Variants in ZC2HC1C observed in about 807,000 individuals in gnomAD.
The protein encoded by ZC2HC1C is zinc finger C2HC-type containing 1C.
In ZC2HC1C, 25 loss-of-function variants were observed where a neutral mutation model predicts 39.2. The ratio of observed to expected loss-of-function variants is 0.64; its 90% CI spans 0.47 to 0.89. ZC2HC1C has a LOEUF of 0.89. ZC2HC1C is among the 40% of genes least tolerant of loss of function. ZC2HC1C has a pLI of 0.00. For synonymous variants in ZC2HC1C, 209 were observed against 214.4 expected (o/e 0.97, Z 0.22); for missense variants, 519 against 548.6 (o/e 0.95, Z 0.54).
At position 75,079,530 on chromosome 14, in the gene ZC2HC1C, T is replaced by C. The variant is rs544375528; in HGVS notation, c.*1966T>C. 14 of 152,354 alleles carry C rather than the reference T, an allele frequency of 9.2e-5. No individual in the cohort carries two copies. The South Asian group carries it at 1.0e-3, about 11-fold the overall frequency. 9.4% of individuals were successfully genotyped at this position (152,354 alleles called of 1,614,324 possible). A position where few individuals can be genotyped will look rare whatever the true frequency, so the allele number is the denominator to read the frequency against. On this transcript the variant is annotated 3_prime_UTR_variant, in exon 3 of 3. Transcript: ENST00000524913. ...TAAGTGGGAATGTAAACCAGTACATTGCAATAGATGGCAAGAGTAAGCTGT... is the reference window on the plus strand; with the variant it reads ...TAAGTGGGAATGTAAACCAGTACATCGCAATAGATGGCAAGAGTAAGCTGT...
chr14:75,073,559 C>T lies in ZC2HC1C; in HGVS notation c.1338+1648C>T, dbSNP rs776356452. On this transcript the variant is annotated intron_variant, in intron 2 of 2. Coordinates refer to ENST00000524913, the MANE Select transcript of ZC2HC1C (RefSeq NM_024643.4). ...GCACCACCCTGGTAATGTCTCAAAT[C>T]TTATTCCACAGTGCTGTGCCTTTGG... The T allele has an allele frequency of 6.2e-6, 8 of 1,289,192 alleles. No individual in the cohort carries two copies. The South Asian group carries it at 9.9e-5, about 16-fold the overall frequency. The allele number at this position is 1,289,192 out of a possible 1,614,324, so 79.9% of individuals were successfully genotyped here. A position where few individuals can be genotyped will look rare whatever the true frequency, so the allele number is the denominator to read the frequency against.
At chr14:75,075,914 G>A (rs557539696) in intron 2 of ZC2HC1C, among the ~76,000 whole-genome samples, 4 of 151,974 alleles carry the variant, frequency 2.6e-5, no homozygotes, top group Admixed American at 6.6e-5. Flanking sequence ...AAAATTAGCC[G>A]GGCGTGGTGG....
chr14:75,070,666 G>A lies in ZC2HC1C; in HGVS notation c.93G>A (p.Lys31=), dbSNP rs1205784822. The A allele has an allele frequency of 1.2e-6, 2 of 1,614,214 alleles. No individual in the cohort carries two copies. The highest frequency in any genetic ancestry group is 1.7e-6 in the Non-Finnish European group (2 of 1,180,050). Residue 31 remains lysine, a synonymous_variant, in exon 2 of 3, where the codon AAG becomes AAA. Coordinates refer to ENST00000524913, the MANE Select transcript of ZC2HC1C (RefSeq NM_024643.4). ...TTEAPGPHSA[K]QDSYEQGDSS... is the part of the protein sequence containing the mutation. ...AAGCTCCAGGGCCCCACTCAGCCAA[G>A]CAAGACTCTTACGAACAAGGTGACT...
rs778536554 is a variant in ZC2HC1C at position 75,071,284 on chromosome 14, G to C, written c.711G>C (p.Lys237Asn). ...IRRKQILLRG[K>N]LKKTEEELRR... ...GAAAGCAGATTCTCCTGAGGGGAAA[G>C]CTGAAGAAGACAGAGGAGGAACTCA... The change falls in exon 2 of 3, where the codon AAG (lysine) becomes AAC (asparagine). Residue 237 changes from lysine (K) to asparagine (N), a missense_variant. Lys to Asn is a moderately conservative substitution (Grantham distance 94). Transcript: ENST00000524913. 1.5e-5 allele frequency: 25 copies of C among 1,614,188 alleles called. No homozygotes were observed. In the South Asian group the frequency reaches 2.2e-4, roughly 14 times the overall value.
rs1165751087 is a variant in ZC2HC1C, at chr14:75,071,810, A to C, written c.1237A>C (p.Met413Leu). The change falls in exon 2 of 3, where the codon ATG becomes CTG. Residue 413 changes from methionine (M) to leucine (L), a missense_variant. Coordinates refer to ENST00000524913, the MANE Select transcript of ZC2HC1C (RefSeq NM_024643.4). ...LERHSNICSRMRGSKRKVFDS... is the reference protein window; with the variant it reads ...LERHSNICSRLRGSKRKVFDS... ...GAGACACTCCAACATCTGCAGCAGG[A>C]TGCGGGGTTCCAAGAGGAAAGTGTT... 1 of 1,614,034 alleles carries C rather than the reference A, an allele frequency of 6.2e-7. No individual in the cohort carries two copies. The highest frequency in any genetic ancestry group is 8.5e-7 in the Non-Finnish European group (1 of 1,180,012).
At chr14:75,070,187 G>A (rs1377164790) in intron 1 of ZC2HC1C, among the ~76,000 whole-genome samples, 1 of 152,160 alleles carries the variant, frequency 6.6e-6, no homozygotes, top group African/African-American at 2.4e-5. Context: ...GAAGAAACGG[G>A]GGCCAGCAAG....
At chr14:75,075,920 G>A (rs756330974) in intron 2 of ZC2HC1C, among the ~76,000 whole-genome samples, 2 of 152,018 alleles carry the variant, frequency 1.3e-5, no homozygotes, top group African/African-American at 4.8e-5. Context: ...AGCCGGGCGT[G>A]GTGGCGCACG....
At chr14:75,072,257 A>G (rs747319984) in intron 2 of ZC2HC1C, among the ~76,000 whole-genome samples, 3 of 152,254 alleles carry the variant, frequency 2.0e-5, no homozygotes, top group Non-Finnish European at 2.9e-5. Flanking sequence ...TATAAAAGTA[A>G]TAAAAGTTTA....
intron 2 of ZC2HC1C, among the ~76,000 whole-genome samples, chr14:75,072,510 G>C (rs1251592065): frequency 6.6e-6 from 1 of 152,190 alleles, no homozygotes; most frequent in African/African-American, 2.4e-5. Context: ...TAAACACCTT[G>C]AAGGTAAAAA....
chr14:75,072,939 C>T (rs945443202), intron 2 of ZC2HC1C, among the ~76,000 whole-genome samples: 10 of 152,112 alleles, frequency 6.6e-5, no homozygotes, highest in Admixed American at 2.0e-4. Context: ...TTTGGGAAAG[C>T]GTAGATCATA....
Position 75,070,559 on chromosome 14 carries a change from C to T in ZC2HC1C, c.-15C>T. The T allele has an allele frequency of 3.2e-6, 5 of 1,586,972 alleles. No homozygotes were observed. The highest frequency in any genetic ancestry group is 4.3e-6 in the Non-Finnish European group (5 of 1,168,410). ...TCTGGTTTAAATCTCCCGTAGGCGT[C>T]AGTCCAGGCCCTGAATGGCTGGTCT... On this transcript the variant is annotated 5_prime_UTR_variant, in exon 2 of 3. Transcript: ENST00000524913.
intron 1 of ZC2HC1C, among the ~76,000 whole-genome samples, chr14:75,070,230 A>G (rs1446276923): frequency 6.6e-6 from 1 of 152,092 alleles, no homozygotes; most frequent in African/African-American, 2.4e-5. Context: ...CAGGCCTAGA[A>G]CCTGACTTTC....
intron 2 of ZC2HC1C, among the ~76,000 whole-genome samples, chr14:75,072,642 A>C (rs1434915227): frequency 6.6e-6 from 1 of 152,350 alleles, no homozygotes; most frequent in Admixed American, 6.5e-5. Context: ...GGTGAACTTC[A>C]TAGGCACATT....
intron 2 of ZC2HC1C, among the ~76,000 whole-genome samples, chr14:75,076,719 TAA>T (rs1418535307): frequency 2.0e-5 from 3 of 151,938 alleles, no homozygotes; most frequent in East Asian, 1.9e-4. Context: ...GGTCTCATGT[TAA>T]AAAAAAGTTT....
In ZC2HC1C at chr14:75,071,446, G is replaced by A. The variant is rs1893403959; in HGVS notation, c.873G>A (p.Glu291=). 1.2e-6 allele frequency: 2 copies of A among 1,614,204 alleles called. No homozygotes were observed. The highest frequency in any genetic ancestry group is 1.1e-5 in the South Asian group (1 of 91,082). Reference sequence around the variant, plus strand: ...AACCTATCTTCTCCCCAGAATTTGAGTTTGAGGAAGAATTTAGTAGAGACA... The same window carrying A: ...AACCTATCTTCTCCCCAGAATTTGAATTTGAGGAAGAATTTAGTAGAGACA... The part of the protein sequence containing the change: ...MYKPIFSPEF[E]FEEEFSRDRR... The change falls in exon 2 of 3, where the codon GAG becomes GAA. Residue 291 remains glutamate, a synonymous_variant. Coordinates refer to ENST00000524913, the MANE Select transcript of ZC2HC1C (RefSeq NM_024643.4).
At chr14:75,075,051 G>C (rs1381241168) in intron 2 of ZC2HC1C, among the ~76,000 whole-genome samples, 1 of 152,154 alleles carries the variant, frequency 6.6e-6, no homozygotes, top group South Asian at 2.1e-4. Flanking sequence ...AACAAATTCT[G>C]TCTCTGCCCA....
chr14:75,075,282 C>G (rs1893617249), intron 2 of ZC2HC1C, among the ~76,000 whole-genome samples: 1 of 152,204 alleles, frequency 6.6e-6, no homozygotes, highest in Non-Finnish European at 1.5e-5. Flanking sequence ...TGGGTATTCT[C>G]TAGGCCTGGT....
intron 2 of ZC2HC1C, among the ~76,000 whole-genome samples, chr14:75,074,277 G>A (rs1177890852): frequency 1.3e-5 from 2 of 152,160 alleles, no homozygotes; most frequent in Non-Finnish European, 2.9e-5. Flanking sequence ...GTTTTGGCAA[G>A]AGACTTTCTG....
rs891644850 is a variant in ZC2HC1C, at chr14:75,077,518, C to T, written c.1339-14C>T. On this transcript the variant is annotated splice_polypyrimidine_tract_variant and intron_variant, in intron 2 of 2. Transcript: ENST00000524913. Reference sequence around the variant, plus strand: ...GTGCCAACTTGAATGATCAGTCTCCCTTTTACATTACAGGCTGAACCTCCT... The same window carrying T: ...GTGCCAACTTGAATGATCAGTCTCCTTTTTACATTACAGGCTGAACCTCCT... 6.2e-7 allele frequency: 1 copy of T among 1,614,088 alleles called. No individual in the cohort carries two copies. The highest frequency in any genetic ancestry group is 8.5e-7 in the Non-Finnish European group (1 of 1,179,972).
Sources: gnomAD v4.1 joint callset for allele counts (sites outside exome capture counted in the v4.1 genomes callset) on GRCh38, gnomAD v4.1.1 for gene constraint, MANE v1.5 for transcripts, NCBI Gene and HGNC (gene_info 2026-07-23, HGNC 2026-07-21) for gene names.